The following RSPO2 variants were observed in gnomAD, a reference collection of about 807,000 sequenced individuals.
The protein encoded by RSPO2 is R-spondin 2.
A neutral mutation model predicts 30.9 loss-of-function variants in RSPO2; 14 were observed. That is an observed-to-expected ratio of 0.45 (90% CI 0.30 to 0.71). RSPO2 has a LOEUF of 0.71. RSPO2 is among the 30% of genes least tolerant of loss of function. The probability of loss-of-function intolerance (pLI) is 0.08; values close to 1 mark genes in which losing one functional copy is unlikely to be tolerated. For missense variants in RSPO2, 264 were observed against 301.9 expected (o/e 0.87, Z 0.93); for synonymous variants, 107 against 96.4 (o/e 1.11, Z -0.64).
Position 108,019,659 on chromosome 8 carries a change from TTC to T in RSPO2, c.95-30417_95-30416del, listed in dbSNP as rs1334505423. On this transcript the variant is annotated intron_variant, in intron 2 of 5. Coordinates refer to ENST00000276659, the MANE Select transcript of RSPO2 (RefSeq NM_178565.5). The stretch of plus-strand genomic sequence containing the variant: ...GTGAGAAAGACCACAATTGCCTCCC[TTC>T]TCTTTTTATTTTTTTCGTTTGTTAA... Among the ~76,000 whole-genome samples the T allele has an allele frequency of 2.6e-5, 4 of 152,214 alleles. No homozygotes were observed. The East Asian group carries it at 7.7e-4, about 29-fold the overall frequency.
intron 5 of RSPO2, among the ~76,000 whole-genome samples, chr8:107,931,779 G>A (rs1380864071): frequency 6.6e-6 from 1 of 152,080 alleles, no homozygotes; most frequent in African/African-American, 2.4e-5. Context: ...GTTCAGTTCT[G>A]ACATTCCTAA....
chr8:108,007,363 GA>G (rs2130575954), intron 2 of RSPO2, among the ~76,000 whole-genome samples: 1 of 150,496 alleles, frequency 6.6e-6, no homozygotes, highest in East Asian at 1.9e-4. Flanking sequence ...ACCATTTGGT[GA>G]AAGTTTATTG....
intron 2 of RSPO2, among the ~76,000 whole-genome samples, chr8:108,067,959 C>T (rs1275374710): frequency 3.3e-5 from 5 of 152,088 alleles, no homozygotes; most frequent in Admixed American, 6.5e-5. Context: ...GTCCCAGCTA[C>T]TCAGGAGGCT....
Position 107,913,598 on chromosome 8 carries a change from C to T in RSPO2, c.617-12408G>A, listed in dbSNP as rs140554138. On this transcript the variant is annotated intron_variant, in intron 5 of 5. Transcript: ENST00000276659. Reference sequence around the variant, plus strand: ...ACTCTAACATGTTTGGCATACCTCACGATTATTAGAGACAGCACATTTCCA... The same window carrying T: ...ACTCTAACATGTTTGGCATACCTCATGATTATTAGAGACAGCACATTTCCA... Among the ~76,000 whole-genome samples, 525 of 152,252 alleles carry T rather than the reference C, an allele frequency of 3.4e-3. 19 individuals carry two copies. In the South Asian group the frequency reaches 0.085, roughly 25 times the overall value.
intron 2 of RSPO2, among the ~76,000 whole-genome samples, chr8:108,063,076 T>C (rs1362340858): frequency 1.3e-5 from 2 of 151,824 alleles, no homozygotes; most frequent in African/African-American, 2.4e-5. Context: ...GCCAATATCA[T>C]ACTGAATGGG....
At chr8:108,004,022 A>G (rs147403290) in intron 2 of RSPO2, among the ~76,000 whole-genome samples, 69 of 152,342 alleles carry the variant, frequency 4.5e-4, no homozygotes, top group African/African-American at 1.6e-3. Context: ...GTTTTTAGCT[A>G]CAACAAAATA....
chr8:107,950,032 C>T (rs573978896), intron 5 of RSPO2, among the ~76,000 whole-genome samples: 1 of 152,170 alleles, frequency 6.6e-6, no homozygotes. Flanking sequence ...ATGTGATTCC[C>T]CACTTGAGAA....
chr8:108,062,377 T>C lies in RSPO2; in HGVS notation c.94+20168A>G, dbSNP rs547011394. Among the ~76,000 whole-genome samples the C allele has an allele frequency of 1.2e-3, 187 of 151,826 alleles. 2 individuals are homozygous for C. Among genetic ancestry groups the C allele is most frequent in the African/African-American group, 4.1e-3 (171 of 41,212 alleles). ...GATATCACCACCGATCCCACAGAAA[T>C]ACAGACTACCATCAGAGAATACTAT... On this transcript the variant is annotated intron_variant, in intron 2 of 5. Coordinates refer to ENST00000276659, the MANE Select transcript of RSPO2 (RefSeq NM_178565.5).
At chr8:108,055,436 AG>A (rs1252017201) in intron 2 of RSPO2, among the ~76,000 whole-genome samples, 2 of 151,826 alleles carry the variant, frequency 1.3e-5, no homozygotes, top group Non-Finnish European at 2.9e-5. Flanking sequence ...AATGGGGGGG[AG>A]AATTGCTGAT....
At chr8:107,905,768 C>T (rs1000973974) in intron 5 of RSPO2, among the ~76,000 whole-genome samples, 1 of 79,082 alleles carries the variant, frequency 1.3e-5, no homozygotes, top group South Asian at 4.9e-4. Flanking sequence ...ATGAGTAGTA[C>T]TGTACCATTT....
At chr8:107,954,841 C>A (rs1246545832) in intron 5 of RSPO2, among the ~76,000 whole-genome samples, 1 of 152,032 alleles carries the variant, frequency 6.6e-6, no homozygotes, top group African/African-American at 2.4e-5. Flanking sequence ...GATTTATTGA[C>A]CTCTTGATCT....
At chr8:107,909,233 T>C (rs556175) in intron 5 of RSPO2, among the ~76,000 whole-genome samples, 113,479 of 150,240 alleles carry the variant, frequency 0.76, 42,992 homozygotes, top group East Asian at 0.9. Flanking sequence ...CCTAGTTCAG[T>C]TATTCTCTCA....
chr8:107,921,120 GGAA>G (rs1428386257), intron 5 of RSPO2, among the ~76,000 whole-genome samples: 1 of 151,982 alleles, frequency 6.6e-6, no homozygotes, highest in Non-Finnish European at 1.5e-5. Flanking sequence ...AAACACTGAA[GGAA>G]TTTTTTGGTG....
chr8:107,945,491 G>A (rs1813033251), intron 5 of RSPO2, among the ~76,000 whole-genome samples: 1 of 151,772 alleles, frequency 6.6e-6, no homozygotes, highest in South Asian at 2.1e-4. Context: ...TTTGTGATCT[G>A]CCTGCCTCGG....
At chr8:108,080,911 G>A (rs1173420369) in intron 2 of RSPO2, among the ~76,000 whole-genome samples, 2 of 152,188 alleles carry the variant, frequency 1.3e-5, no homozygotes, top group African/African-American at 2.4e-5. Flanking sequence ...AAAAATTGCT[G>A]GCTCTGCCGA....
chr8:107,969,769 A>C (rs1813932674), intron 3 of RSPO2, among the ~76,000 whole-genome samples: 1 of 152,222 alleles, frequency 6.6e-6, no homozygotes, highest in Admixed American at 6.5e-5. Context: ...CAAAAATTGT[A>C]AACCAAATTA....
At chr8:108,057,074 AAAAAAAAAAAAAAAAAAAGACGTAT>A (rs1812276114) in intron 2 of RSPO2, among the ~76,000 whole-genome samples, 1 of 147,420 alleles carries the variant, frequency 6.8e-6, no homozygotes, top group Non-Finnish European at 1.5e-5. Flanking sequence ...AAAAAAAAAA[AAAAAAAAAAAAAAAAAAAGACGTAT>A]AAAATATAAG....
intron 2 of RSPO2, among the ~76,000 whole-genome samples, chr8:108,062,587 C>T (rs1053773673): frequency 1.2e-4 from 18 of 151,762 alleles, no homozygotes; most frequent in Non-Finnish European, 1.9e-4. Context: ...GATTCACAGC[C>T]GAATTCTACC....
chr8:107,930,109 T>C (rs1232665827), intron 5 of RSPO2, among the ~76,000 whole-genome samples: 2 of 152,158 alleles, frequency 1.3e-5, no homozygotes, highest in African/African-American at 4.8e-5. Flanking sequence ...TATGCGCCCA[T>C]GTACAACATC....
Sources: gnomAD v4.1 joint callset for allele counts (sites outside exome capture counted in the v4.1 genomes callset) on GRCh38, gnomAD v4.1.1 for gene constraint, MANE v1.5 for transcripts, NCBI Gene and HGNC (gene_info 2026-07-23, HGNC 2026-07-21) for gene names.